TPCN1: variants seen among roughly 807,000 people sequenced by gnomAD.
The protein encoded by TPCN1 is two pore channel protein 1.
In TPCN1, 52 loss-of-function variants were observed where a neutral mutation model predicts 108.8. The ratio of observed to expected loss-of-function variants is 0.48; its 90% confidence interval spans 0.38 to 0.60. TPCN1 has a LOEUF of 0.60. TPCN1 is among the 20% of genes least tolerant of loss of function. The pLI is 0.00. For synonymous variants in TPCN1, 446 were observed against 433.7 expected (o/e 1.03, Z -0.35); for missense variants, 806 against 1,072.8 (o/e 0.75, Z 3.47).
intron 2 of TPCN1, among the ~76,000 whole-genome samples, chr12:113,259,088 T>G (rs771452471): frequency 6.6e-6 from 1 of 151,952 alleles, no homozygotes; most frequent in Admixed American, 6.6e-5. Context: ...GTGATTCTCA[T>G]GCCTCAGCCT....
At position 113,266,511 on chromosome 12, in the gene TPCN1, A is replaced by G. The variant is rs1267358715; in HGVS notation, c.414+155A>G. On this transcript the variant is annotated intron_variant, in intron 4 of 27. Transcript: ENST00000335509. This position sits in a 1 kb window ranked among gnomAD's most constrained non-coding sequence, Gnocchi z 4.2. ...GGTCATAGAGGCCTTGGGAGCGGAA[A>G]TGCCTGGGTGTCCCTGCTGGAGTGA... Among the ~76,000 whole-genome samples, 2 of 152,368 alleles carry G rather than the reference A, an allele frequency of 1.3e-5. No individual in the cohort carries two copies. The highest frequency in any genetic ancestry group is 3.9e-4 in the East Asian group (2 of 5,176).
intron 14 of TPCN1, among the ~76,000 whole-genome samples, chr12:113,279,359 G>A (rs12813877): frequency 4.2e-3 from 171 of 40,970 alleles, no homozygotes; most frequent in African/African-American, 4.8e-3. Context: ...GTGTGTGTGT[G>A]TATATATATA....
intron 22 of TPCN1, among the ~76,000 whole-genome samples, chr12:113,290,694 T>G (rs952137414): frequency 1.4e-4 from 22 of 152,170 alleles, no homozygotes; most frequent in African/African-American, 5.3e-4. Context: ...CTGCACCCAG[T>G]AAGATCCAGA....
Position 113,282,087 on chromosome 12 carries a change from A to ATTTT in TPCN1, c.1342+1910_1342+1913dup, listed in dbSNP as rs1247829773. 4.7e-3 allele frequency among the ~76,000 whole-genome samples: 430 copies of ATTTT among 92,022 alleles called. 9 individuals are homozygous for ATTTT. The highest frequency in any genetic ancestry group is 0.015 in the African/African-American group (333 of 22,454). The allele number at this position is 92,022 out of a possible 152,430, so 60.4% of individuals were successfully genotyped here. On this transcript the variant is annotated intron_variant, in intron 15 of 27. Coordinates refer to ENST00000335509, the MANE Select transcript of TPCN1 (RefSeq NM_017901.6). ...AGGTGCCCACCACCACACCCGGCTA[A>ATTTT]TTTTTTTTTTTTTTTTTTTTTGAGA...
In TPCN1 at chr12:113,269,019, T is replaced by TC. The variant is rs2136630053; in HGVS notation, c.659+147_659+148insC. ...ACGCAGACTCACTCTCCCTCTGCCA[T>TC]TCCATCCACGCACAGGAGAAAGCGG... On this transcript the variant is annotated intron_variant, in intron 6 of 27. Coordinates refer to ENST00000335509, the MANE Select transcript of TPCN1 (RefSeq NM_017901.6). This position sits in a 1 kb window ranked among gnomAD's most constrained non-coding sequence, Gnocchi z 5.0. The TC allele has an allele frequency of 3.2e-6, 3 of 934,620 alleles. No individual in the cohort carries two copies. The highest frequency in any genetic ancestry group is 4.9e-6 in the Non-Finnish European group (3 of 616,958). 57.9% of individuals were successfully genotyped at this position (934,620 alleles called of 1,614,324 possible).
At position 113,269,672 on chromosome 12, in the gene TPCN1, C is replaced by T; in HGVS notation, c.660-85C>T. 1.8e-6 allele frequency: 2 copies of T among 1,136,690 alleles called. No homozygotes were observed. The highest frequency in any genetic ancestry group is 4.7e-5 in the East Asian group (2 of 42,374). The allele number at this position is 1,136,690 out of a possible 1,614,324, so 70.4% of individuals were successfully genotyped here. ...AGGGTTTAGTATTTCGAGTCAGAAGCACTAGGCCTCCATCTCAACAAGGAG... is the reference window on the plus strand; with the variant it reads ...AGGGTTTAGTATTTCGAGTCAGAAGTACTAGGCCTCCATCTCAACAAGGAG... On this transcript the variant is annotated intron_variant, in intron 6 of 27. Coordinates refer to ENST00000335509, the MANE Select transcript of TPCN1 (RefSeq NM_017901.6). The surrounding 1 kb of genome is among the most constrained non-coding windows in gnomAD (Gnocchi z 5.0).
At position 113,281,947 on chromosome 12, in the gene TPCN1, C is replaced by T. The variant is rs1283340438; in HGVS notation, c.1342+1752C>T. On this transcript the variant is annotated intron_variant, in intron 15 of 27. Coordinates refer to ENST00000335509, the MANE Select transcript of TPCN1 (RefSeq NM_017901.6). ...TTTTTTTTTTTGAGACAGAGTCTCA[C>T]TCTATCTCTGTCACCCAGGCTGTGG... Among the ~76,000 whole-genome samples the T allele has an allele frequency of 2.1e-5, 3 of 143,958 alleles. No homozygotes were observed. The Admixed American group carries it at 2.1e-4, about 10-fold the overall frequency. The allele number at this position is 143,958 out of a possible 152,430, so 94.4% of individuals were successfully genotyped here.
At position 113,284,887 on chromosome 12, in the gene TPCN1, A is replaced by G. The variant is rs901041992; in HGVS notation, c.1453+116A>G. 1.2e-4 allele frequency: 147 copies of G among 1,196,814 alleles called. 1 individual carries two copies. Among genetic ancestry groups the G allele is most frequent in the Non-Finnish European group, 8.2e-5 (67 of 812,604 alleles). The allele number at this position is 1,196,814 out of a possible 1,614,324, so 74.1% of individuals were successfully genotyped here. ...AAAACAGGAAGCTATAAAGAGACGG[A>G]GTAATCAGTCTGATTCCATCTCGTC... On this transcript the variant is annotated intron_variant, in intron 17 of 27. Coordinates refer to ENST00000335509, the MANE Select transcript of TPCN1 (RefSeq NM_017901.6). The surrounding 1 kb of genome is among the most constrained non-coding windows in gnomAD (Gnocchi z 4.1).
intron 7 of TPCN1, among the ~76,000 whole-genome samples, chr12:113,270,996 G>A (rs532000487): frequency 7.2e-5 from 11 of 152,246 alleles, no homozygotes; most frequent in African/African-American, 2.6e-4. Context: ...GGTGTCCCAC[G>A]CTGATTGTCG....
chr12:113,295,837 G>C, intron 27 of TPCN1, 123 bp from the exon 28 acceptor site: 2 of 1,115,050 alleles, frequency 1.8e-6, no homozygotes, highest in Non-Finnish European at 2.5e-6. Context: ...TTCAGTACCA[G>C]CTGGGTGAGG....
chr12:113,288,315 C>CG lies in TPCN1; in HGVS notation c.1706+86dup, dbSNP rs780988298. On this transcript the variant is annotated intron_variant, in intron 20 of 27. Coordinates refer to ENST00000335509, the MANE Select transcript of TPCN1 (RefSeq NM_017901.6). The surrounding 1 kb of genome is among the most constrained non-coding windows in gnomAD (Gnocchi z 4.8). ...GTGGGGGCGGGAGCCGAGTGGCAGT[C>CG]GGGGGAAAGGAGTTCCACAAAGGAC... is the stretch of plus-strand genomic sequence containing the variant. The CG allele has an allele frequency of 1.9e-6, 3 of 1,593,310 alleles. No individual in the cohort carries two copies. In the Admixed American group the frequency reaches 5.3e-5, roughly 28 times the overall value.
At chr12:113,225,421 A>G in intron 1 of TPCN1, 1 of 334,722 alleles carries the variant, frequency 3.0e-6, no homozygotes, top group Non-Finnish European at 6.0e-6. Flanking sequence ...TGGAGGTAGG[A>G]CATATTGGCC....
intron 2 of TPCN1, among the ~76,000 whole-genome samples, chr12:113,243,714 A>G (rs1380215437): frequency 1.3e-5 from 2 of 152,222 alleles, no homozygotes; most frequent in Non-Finnish European, 2.9e-5. Context: ...AGATTGTGCC[A>G]CTGCACTCCA....
At chr12:113,282,242 C>G (rs936518594) in intron 15 of TPCN1, among the ~76,000 whole-genome samples, 9 of 151,912 alleles carry the variant, frequency 5.9e-5, no homozygotes, top group East Asian at 2.0e-4. Flanking sequence ...AGGCACCCAC[C>G]ACCACGCCTG....
chr12:113,260,191 T>C, intron 2 of TPCN1, 177 bp from the exon 3 acceptor site: 1 of 594,706 alleles, frequency 1.7e-6, no homozygotes, highest in South Asian at 4.2e-5. Flanking sequence ...GGAAAACATT[T>C]GTAACCAGCT....
At position 113,296,243 on chromosome 12, in the gene TPCN1, T is replaced by C; in HGVS notation, c.*167T>C. 1.1e-5 allele frequency: 12 copies of C among 1,125,368 alleles called. No individual in the cohort carries two copies. The highest frequency in any genetic ancestry group is 1.5e-5 in the Non-Finnish European group (12 of 825,412). The allele number at this position is 1,125,368 out of a possible 1,614,324, so 69.7% of individuals were successfully genotyped here. A position where few individuals can be genotyped will look rare whatever the true frequency, so the allele number is the denominator to read the frequency against. ...GGCTTGGTTTATAACCACCTTGCCC[T>C]GTCTTCCTTAACTCCAGAAGCCAGT... On this transcript the variant is annotated 3_prime_UTR_variant, in exon 28 of 28. Transcript: ENST00000335509.
chr12:113,267,212 C>G (rs951584940), intron 4 of TPCN1, among the ~76,000 whole-genome samples: 1 of 152,150 alleles, frequency 6.6e-6, no homozygotes, highest in Non-Finnish European at 1.5e-5. Context: ...GTCCTTTTGT[C>G]CAAAATGAGG....
At position 113,277,344 on chromosome 12, in the gene TPCN1, GAAC is replaced by G. The variant is rs1566186476; in HGVS notation, c.1169_1171del (p.Asn390del). The G allele has an allele frequency of 6.2e-7, 1 of 1,614,166 alleles. No individual in the cohort carries two copies. The highest frequency in any genetic ancestry group is 8.5e-7 in the Non-Finnish European group (1 of 1,180,024). On this transcript the variant is annotated inframe_deletion, in exon 12 of 28. Transcript: ENST00000335509. ...ATCTTACCTTCAAGGCCCTGAATCA[GAAC>G]AACACACCCCTGCTCAGGTAAGAGC...
rs1399919989 is a variant in TPCN1, at chr12:113,272,926, G to T, written c.783+234G>T. On this transcript the variant is annotated intron_variant, in intron 8 of 27. Coordinates refer to ENST00000335509, the MANE Select transcript of TPCN1 (RefSeq NM_017901.6). The surrounding 1 kb of genome is among the most constrained non-coding windows in gnomAD (Gnocchi z 4.1). ...TTGAAAGGAGTGCCGCCAGGATCAG[G>T]TTTGGACCATTGGAATATTTTGGCA... 2.6e-5 allele frequency among the ~76,000 whole-genome samples: 4 copies of T among 152,212 alleles called. No individual in the cohort carries two copies. Among genetic ancestry groups the T allele is most frequent in the Non-Finnish European group, 5.9e-5 (4 of 68,050 alleles).
Sources: allele counts gnomAD v4.1 joint callset (sites outside exome capture counted in the v4.1 genomes callset), GRCh38; gene constraint gnomAD v4.1.1; non-coding constraint Gnocchi (gnomAD v3.1); transcripts MANE v1.5; gene names NCBI Gene and HGNC (gene_info 2026-07-23, HGNC 2026-07-21).